Variants in ILKAP observed in about 807,000 individuals in gnomAD.
ILKAP encodes the protein integrin-linked kinase-associated serine/threonine phosphatase 2C.
A neutral mutation model predicts 49.1 loss-of-function variants in ILKAP; 11 were observed. That is an observed-to-expected ratio of 0.22 (90% CI 0.14 to 0.37). ILKAP has a LOEUF of 0.37. Among genes scored for constraint, ILKAP ranks in the 10% least tolerant of loss-of-function variants. The pLI is 1.00. For synonymous variants in ILKAP, 186 were observed against 192.8 expected (o/e 0.96, Z 0.29); for missense variants, 363 against 510.8 (o/e 0.71, Z 2.79).
chr2:238,185,367 CAAA>C, intron 5 of ILKAP, 80 bp from the exon 6 acceptor site: 2 of 892,798 alleles, frequency 2.2e-6, no homozygotes, highest in Non-Finnish European at 3.6e-6. Flanking sequence ...AATTTCGTCT[CAAA>C]GAGTGAACAT....
At chr2:238,200,979 C>T (rs1016398385) in intron 1 of ILKAP, among the ~76,000 whole-genome samples, 3 of 152,304 alleles carry the variant, frequency 2.0e-5, no homozygotes, top group Non-Finnish European at 4.4e-5. Context: ...AGTTAGTAAG[C>T]GAAGAGCTGG....
chr2:238,194,287 T>G lies in ILKAP; in HGVS notation c.166A>C (p.Ser56Arg). The change falls in exon 3 of 12, where the codon AGT (serine) becomes CGT (arginine). Residue 56 changes from serine to arginine, a missense_variant. By Grantham distance (110) the Ser-to-Arg change is moderately radical. Around this residue, in one of 3 missense-constraint regions of ILKAP, gnomAD observed 114 missense variants for 116.0 expected, o/e 0.98. Coordinates refer to ENST00000254654, the MANE Select transcript of ILKAP (RefSeq NM_030768.3). ...TCCTACCACTTACCTGAATCGCCAC[T>G]GCTAGCGGGTGGGAGATCATCAAAA... ...LLFDDLPPASSGDSGSLATSI... is the reference protein window; with the variant it reads ...LLFDDLPPASRGDSGSLATSI... 1 of 1,614,106 alleles carries G rather than the reference T, an allele frequency of 6.2e-7. No individual in the cohort carries two copies. The highest frequency in any genetic ancestry group is 8.5e-7 in the Non-Finnish European group (1 of 1,179,950).
intron 9 of ILKAP, among the ~76,000 whole-genome samples, chr2:238,176,225 C>G (rs1169700523): frequency 6.6e-6 from 1 of 151,018 alleles, no homozygotes; most frequent in Non-Finnish European, 1.5e-5. Context: ...CCTCTGCCGC[C>G]TGGGTTCAAG....
At chr2:238,190,120 C>A in intron 3 of ILKAP, 148 bp from the exon 4 acceptor site, 1 of 683,890 alleles carries the variant, frequency 1.5e-6, no homozygotes, top group Non-Finnish European at 2.3e-6. Flanking sequence ...GTTGTGTCTT[C>A]ATGGTTGGCG....
At chr2:238,170,721 CCT>C (rs754864873) in intron 11 of ILKAP, 45 bp from the exon 12 acceptor site, 2 of 1,600,692 alleles carry the variant, frequency 1.2e-6, no homozygotes, top group South Asian at 1.1e-5. Flanking sequence ...GACCCCGCAC[CCT>C]GTCACTTTCC....
chr2:238,191,847 G>T (rs1694138110), intron 3 of ILKAP, among the ~76,000 whole-genome samples: 1 of 151,442 alleles, frequency 6.6e-6, no homozygotes, highest in African/African-American at 2.4e-5. Flanking sequence ...GGAGGCTGCA[G>T]TGAGCTGAGA....
chr2:238,175,436 G>C (rs1222031651), intron 9 of ILKAP, among the ~76,000 whole-genome samples: 5 of 152,126 alleles, frequency 3.3e-5, no homozygotes, highest in Admixed American at 2.0e-4. Context: ...TACATTCACT[G>C]AACTGCTAGA....
chr2:238,190,053 G>T (rs1694058999), intron 3 of ILKAP, 81 bp from the exon 4 acceptor site: 2 of 1,465,308 alleles, frequency 1.4e-6, no homozygotes, highest in Non-Finnish European at 1.9e-6. Context: ...CTTCATCCTA[G>T]CACTCAAAGA....
chr2:238,197,456 C>T (rs1007152128), intron 1 of ILKAP, among the ~76,000 whole-genome samples: 1 of 152,136 alleles, frequency 6.6e-6, no homozygotes, highest in Non-Finnish European at 1.5e-5. Context: ...AGCAAACAAC[C>T]CTTCCGCTTG....
Position 238,194,226 on chromosome 2 carries a change from A to G in ILKAP, c.178+49T>C, listed in dbSNP as rs78117051. On this transcript the variant is annotated intron_variant, in intron 3 of 11. Coordinates refer to ENST00000254654, the MANE Select transcript of ILKAP (RefSeq NM_030768.3). ...TACATAAATTTCACATAAGAGTAAA[A>G]TACTATGTATTATTTCCATCAGCAC... The G allele has an allele frequency of 3.4e-3, 5,146 of 1,511,268 alleles. 18 individuals are homozygous for G. The highest frequency in any genetic ancestry group is 4.3e-3 in the Non-Finnish European group (4,701 of 1,087,552). The allele number at this position is 1,511,268 out of a possible 1,614,324, so 93.6% of individuals were successfully genotyped here.
intron 4 of ILKAP, among the ~76,000 whole-genome samples, chr2:238,188,889 C>T (rs1466907010): frequency 6.6e-6 from 1 of 152,238 alleles, no homozygotes; most frequent in Non-Finnish European, 1.5e-5. Context: ...GAGCTGTCTT[C>T]TGGGAAGTGA....
intron 10 of ILKAP, among the ~76,000 whole-genome samples, chr2:238,172,090 T>A (rs551879423): frequency 2.8e-4 from 42 of 152,308 alleles, no homozygotes; most frequent in Non-Finnish European, 5.4e-4. Flanking sequence ...TTCCCTCTTG[T>A]TGCCCAGGCT....
chr2:238,182,273 GT>G, intron 8 of ILKAP, 87 bp from the exon 9 acceptor site: 1 of 1,491,474 alleles, frequency 6.7e-7, no homozygotes, highest in Non-Finnish European at 9.2e-7. Context: ...TAACAATGGA[GT>G]TTGAAGAAAA....
At chr2:238,181,723 C>T (rs952212165) in intron 9 of ILKAP, among the ~76,000 whole-genome samples, 10 of 151,420 alleles carry the variant, frequency 6.6e-5, no homozygotes, top group East Asian at 1.9e-4. Flanking sequence ...CCCAGGTTCA[C>T]GCCATTCTCC....
Position 238,173,526 on chromosome 2 carries a change from C to CT in ILKAP, c.956+7_956+8insA, listed in dbSNP as rs386393004. ...ACACACACCTGTGCCTCTTATAGGG[C>CT]CTTTTACCTGTCATTGGGGGTCAGC... On this transcript the variant is annotated splice_region_variant and intron_variant, in intron 10 of 11. Coordinates refer to ENST00000254654, the MANE Select transcript of ILKAP (RefSeq NM_030768.3). 1.0e-5 allele frequency: 15 copies of CT among 1,465,742 alleles called. No individual in the cohort carries two copies. Among genetic ancestry groups the CT allele is most frequent in the Non-Finnish European group, 1.3e-5 (14 of 1,113,764 alleles). The allele number at this position is 1,465,742 out of a possible 1,614,324, so 90.8% of individuals were successfully genotyped here. A position where few individuals can be genotyped will look rare whatever the true frequency, so the allele number is the denominator to read the frequency against.
At position 238,184,019 on chromosome 2, in the gene ILKAP, C is replaced by T. The variant is rs1693802010; in HGVS notation, c.626+1G>A. ...AAACTTCATCATCAAGTTATACTTA[C>T]TGGCTGGAAGCTTGTTTAAGGAACT... On this transcript the variant is annotated splice_donor_variant, in intron 7 of 11. Coordinates refer to ENST00000254654, the MANE Select transcript of ILKAP (RefSeq NM_030768.3). LOFTEE classifies it high-confidence loss of function. 6.3e-7 allele frequency: 1 copy of T among 1,576,602 alleles called. No individual in the cohort carries two copies. The highest frequency in any genetic ancestry group is 8.7e-7 in the Non-Finnish European group (1 of 1,145,858).
chr2:238,194,181 C>T, intron 3 of ILKAP, 94 bp downstream of exon 3: 2 of 1,102,064 alleles, frequency 1.8e-6, no homozygotes, highest in Non-Finnish European at 1.4e-6. Context: ...TAATGTCATC[C>T]AAAATCCCGT....
intron 1 of ILKAP, among the ~76,000 whole-genome samples, chr2:238,198,465 C>T (rs1250293023): frequency 6.6e-6 from 1 of 152,316 alleles, no homozygotes; most frequent in East Asian, 1.9e-4. Flanking sequence ...TCACGAACTA[C>T]TGTACTCAAG....
In ILKAP at chr2:238,203,582, C is replaced by A; in HGVS notation, c.-29G>T. The A allele has an allele frequency of 8.8e-7, 1 of 1,142,490 alleles. No individual in the cohort carries two copies. Among genetic ancestry groups the A allele is most frequent in the Non-Finnish European group, 1.1e-6 (1 of 927,708 alleles). 70.8% of individuals were successfully genotyped at this position (1,142,490 alleles called of 1,614,324 possible). A position where few individuals can be genotyped will look rare whatever the true frequency, so the allele number is the denominator to read the frequency against. ...GGAGGCTGGGTGGAGGCGGCAGCAG[C>A]GACAGACACTCAGCCCGCGAGCAGC... On this transcript the variant is annotated 5_prime_UTR_variant, in exon 1 of 12. Transcript: ENST00000254654.
Sources: allele counts gnomAD v4.1 joint callset (sites outside exome capture counted in the v4.1 genomes callset), GRCh38; gene constraint gnomAD v4.1.1; regional missense constraint gnomAD v4.1.1; transcripts MANE v1.5; gene names NCBI Gene and HGNC (gene_info 2026-07-23, HGNC 2026-07-21).